Variants in INTS3 observed in about 807,000 individuals in gnomAD.
The protein encoded by INTS3 is integrator complex subunit 3.
INTS3 carries 34 observed loss-of-function variants against 146.3 expected under a neutral mutation model. That is an observed-to-expected ratio of 0.23 (90% CI 0.18 to 0.31). The LOEUF is 0.31. Among genes scored for constraint, INTS3 ranks in the 10% least tolerant of loss-of-function variants. INTS3 has a pLI of 1.00. For synonymous variants in INTS3, 475 were observed against 494.9 expected, an observed-to-expected ratio of 0.96 and a Z score of 0.53; for missense variants, 757 against 1,304.2, an observed-to-expected ratio of 0.58 and a Z score of 6.46.
chr1:153,743,658 T>G (rs1366010968), intron 3 of INTS3, among the ~76,000 whole-genome samples: 2 of 152,182 alleles, frequency 1.3e-5, no homozygotes, highest in African/African-American at 4.8e-5. Flanking sequence ...TTTATATCCT[T>G]TGAGTTTATT....
chr1:153,732,628 A>G (rs924496281), intron 1 of INTS3, among the ~76,000 whole-genome samples: 3 of 151,638 alleles, frequency 2.0e-5, no homozygotes, highest in Non-Finnish European at 4.4e-5. Context: ...TTGCATTTTT[A>G]GTAGAGACGG....
At chr1:153,733,505 C>A (rs1570831599) in intron 1 of INTS3, among the ~76,000 whole-genome samples, 1 of 151,912 alleles carries the variant, frequency 6.6e-6, no homozygotes, top group East Asian at 1.9e-4. Flanking sequence ...GCCACCGCAC[C>A]CAGCTGTCCT....
In INTS3 at chr1:153,755,980, C is replaced by CG. The variant is rs1353084628; in HGVS notation, c.957+1242dup. Among the ~76,000 whole-genome samples the CG allele has an allele frequency of 3.6e-4, 55 of 151,698 alleles. 1 individual carries two copies. In the East Asian group the frequency reaches 0.011, roughly 29 times the overall value. On this transcript the variant is annotated intron_variant, in intron 9 of 29. Transcript: ENST00000318967. ...ACTTGAACCCAGGAGGCAGAGGTTG[C>CG]GATAAGCCAAGATTGCGCCACTGCA... is the stretch of plus-strand genomic sequence containing the variant.
intron 8 of INTS3, chr1:153,753,754 CA>C (rs1393165775): frequency 2.0e-5 from 3 of 148,272 alleles, no homozygotes; most frequent in African/African-American, 7.5e-5. Context: ...CTCCTGGGTT[CA>C]AGCGATTCTC....
chr1:153,740,602 C>A, intron 1 of INTS3, 49 bp from the exon 2 acceptor site: 1 of 1,387,650 alleles, frequency 7.2e-7, no homozygotes, highest in Non-Finnish European at 1.0e-6. Flanking sequence ...AGAAGTACTT[C>A]CTAAGTGGTG....
intron 20 of INTS3, 27 bp downstream of exon 20, chr1:153,765,090 G>C (rs1672526220): frequency 6.2e-7 from 1 of 1,613,648 alleles, no homozygotes; most frequent in Non-Finnish European, 8.5e-7. Flanking sequence ...TGTTTCAAAT[G>C]GTGTCAGGAC....
intron 9 of INTS3, among the ~76,000 whole-genome samples, chr1:153,755,624 C>A (rs1212258026): frequency 6.6e-6 from 1 of 152,194 alleles, no homozygotes; most frequent in Non-Finnish European, 1.5e-5. Context: ...TCGAGAACTG[C>A]TTTCCTAATC....
Position 153,757,161 on chromosome 1 carries a change from T to C in INTS3, c.958-411T>C, listed in dbSNP as rs1408901677. 6.6e-6 allele frequency among the ~76,000 whole-genome samples: 1 copy of C among 152,188 alleles called. No individual in the cohort carries two copies. The highest frequency in any genetic ancestry group is 1.9e-4 in the East Asian group (1 of 5,198). On this transcript the variant is annotated intron_variant, in intron 9 of 29. Transcript: ENST00000318967. The surrounding 1 kb of genome is among the most constrained non-coding windows in gnomAD (Gnocchi z 4.0). ...CAGGAAATTCTCAGTTGATGTTGAG[T>C]GGTGAACAGACCCAGCTCTTACTCT...
intron 5 of INTS3, chr1:153,748,438 C>T (rs1002876084): frequency 7.6e-6 from 4 of 528,206 alleles, no homozygotes; most frequent in Non-Finnish European, 1.4e-5. Flanking sequence ...TGTTCCCACT[C>T]CAACTCACAA....
rs1672374989 is a variant in INTS3 at position 153,761,346 on chromosome 1, C to A, written c.1410-224C>A. ...GCCAACATGGCAAAACCCGTGTCTA[C>A]TAAAAATACAAAAATTAGCCAGGTG... On this transcript the variant is annotated intron_variant, in intron 13 of 29. Transcript: ENST00000318967. 5 of 509,946 alleles carry A rather than the reference C, an allele frequency of 9.8e-6. No individual in the cohort carries two copies. In the East Asian group the frequency reaches 1.6e-4, roughly 17 times the overall value. The allele number at this position is 509,946 out of a possible 1,614,324, so 31.6% of individuals were successfully genotyped here.
chr1:153,759,518 T>C lies in INTS3; in HGVS notation c.1150-8T>C, dbSNP rs1185944407. 1 of 1,603,068 alleles carries C rather than the reference T, an allele frequency of 6.2e-7. No individual in the cohort carries two copies. Among genetic ancestry groups the C allele is most frequent in the Non-Finnish European group, 8.5e-7 (1 of 1,169,858 alleles). On this transcript the variant is annotated splice_polypyrimidine_tract_variant and splice_region_variant and intron_variant, in intron 10 of 29. Transcript: ENST00000318967. ...ACTAGCCCTCTGTTTCTCCCCTCTCTTTTCCAGTCAAATGTCGCTGCCTCC... is the reference window on the plus strand; with the variant it reads ...ACTAGCCCTCTGTTTCTCCCCTCTCCTTTCCAGTCAAATGTCGCTGCCTCC...
intron 3 of INTS3, among the ~76,000 whole-genome samples, chr1:153,745,344 A>G (rs1671688921): frequency 6.6e-6 from 1 of 151,962 alleles, no homozygotes; most frequent in Admixed American, 6.6e-5. Flanking sequence ...TTTAGTAGAG[A>G]TGGAGTTTCA....
intron 23 of INTS3, 40 bp downstream of exon 23, chr1:153,769,884 A>T (rs373052228): frequency 7.3e-6 from 10 of 1,371,038 alleles, no homozygotes; most frequent in Admixed American, 1.7e-5. Context: ...AGAGGAGAGG[A>T]GGGCAGGGTG....
At chr1:153,748,836 A>G (rs1671850228) in intron 6 of INTS3, 81 bp downstream of exon 6, 2 of 1,136,916 alleles carry the variant, frequency 1.8e-6, no homozygotes, top group Admixed American at 3.4e-5. Context: ...GGATGAAAGG[A>G]TTGTGTGGCC....
intron 1 of INTS3, among the ~76,000 whole-genome samples, chr1:153,740,035 G>C (rs771440021): frequency 6.6e-6 from 1 of 151,340 alleles, no homozygotes; most frequent in Non-Finnish European, 1.5e-5. Flanking sequence ...TCCTGACCTT[G>C]TGATCCACCT....
At chr1:153,759,470 A>C in intron 10 of INTS3, 56 bp from the exon 11 acceptor site, 6 of 1,178,260 alleles carry the variant, frequency 5.1e-6, no homozygotes, top group Non-Finnish European at 6.4e-6. Context: ...GGGACTCTGA[A>C]ATGGAGGGGG....
At chr1:153,733,486 C>T (rs1282405158) in intron 1 of INTS3, among the ~76,000 whole-genome samples, 1 of 151,912 alleles carries the variant, frequency 6.6e-6, no homozygotes, top group African/African-American at 2.4e-5. Context: ...GCTGGGATTA[C>T]AGGCGTGAGC....
chr1:153,756,544 G>A lies in INTS3; in HGVS notation c.958-1028G>A, dbSNP rs185912622. ...AAAAATAATAATTGGGGCCAAGTGC[G>A]GTGGCTCACGCCTGTAATCTCAGTA... On this transcript the variant is annotated intron_variant, in intron 9 of 29. Coordinates refer to ENST00000318967, the MANE Select transcript of INTS3 (RefSeq NM_023015.5). Among the ~76,000 whole-genome samples the A allele has an allele frequency of 3.4e-3, 514 of 151,938 alleles. 2 individuals are homozygous for A. The highest frequency in any genetic ancestry group is 0.01 in the African/African-American group (426 of 41,476).
rs765309960 is a variant in INTS3 at position 153,769,790 on chromosome 1, G to A, written c.2335G>A (p.Val779Met). Reference protein sequence around the residue: ...SAQLQELVCHVMMGNLVMFRK... With the variant: ...SAQLQELVCHMMMGNLVMFRK... ...TTAGCTCCAGGAGCTGGTCTGCCAC[G>A]TGATGATGGGTAACCTGGTTATGTT... is the stretch of plus-strand genomic sequence containing the variant. The change falls in exon 23 of 30, where the codon GTG becomes ATG. Residue 779 changes from valine (V) to methionine (M), a missense_variant. Val to Met is a conservative substitution (Grantham distance 21). Transcript: ENST00000318967. 3 of 1,613,502 alleles carry A rather than the reference G, an allele frequency of 1.9e-6. No individual in the cohort carries two copies. The highest frequency in any genetic ancestry group is 1.1e-5 in the South Asian group (1 of 91,050).
Sources: allele counts gnomAD v4.1 joint callset (sites outside exome capture counted in the v4.1 genomes callset), GRCh38; gene constraint gnomAD v4.1.1; non-coding constraint Gnocchi (gnomAD v3.1); transcripts MANE v1.5; gene names NCBI Gene and HGNC (gene_info 2026-07-23, HGNC 2026-07-21).